PTPRM: variants seen among roughly 807,000 people sequenced by gnomAD.
The protein encoded by PTPRM is receptor-type tyrosine-protein phosphatase mu.
A neutral mutation model predicts 186.7 loss-of-function variants in PTPRM; 47 were observed. The ratio of observed to expected loss-of-function variants is 0.25; its 90% CI spans 0.20 to 0.32. The LOEUF (loss-of-function observed/expected upper bound fraction) is 0.32, where lower values mean the gene tolerates loss of function less well. PTPRM is among the 10% of genes least tolerant of loss of function. The pLI is 1.00. For missense variants in PTPRM, 1,494 were observed against 1,865.0 expected (o/e 0.80, Z 3.66); for synonymous variants, 668 against 674.9 (o/e 0.99, Z 0.16).
chr18:7,792,460 C>G (rs1254739975), intron 2 of PTPRM, among the ~76,000 whole-genome samples: 1 of 152,084 alleles, frequency 6.6e-6, no homozygotes, highest in Non-Finnish European at 1.5e-5. Context: ...TGCCTGTTTT[C>G]TCCTGTCTAT....
intron 19 of PTPRM, among the ~76,000 whole-genome samples, chr18:8,285,928 C>G (rs932576373): frequency 2.0e-5 from 3 of 152,110 alleles, no homozygotes; most frequent in African/African-American, 7.2e-5. Flanking sequence ...GGGTCAAGGG[C>G]TGCAGTGAGC....
chr18:7,909,640 G>T (rs373114226), intron 4 of PTPRM, among the ~76,000 whole-genome samples: 2 of 152,038 alleles, frequency 1.3e-5, no homozygotes, highest in South Asian at 4.1e-4. Flanking sequence ...AATCCTAAAG[G>T]AGCATTAATA....
At chr18:7,862,011 A>G (rs1332389597) in intron 2 of PTPRM, among the ~76,000 whole-genome samples, 4 of 151,848 alleles carry the variant, frequency 2.6e-5, no homozygotes, top group Admixed American at 6.6e-5. Flanking sequence ...GGGACGAGGA[A>G]TCACAGAAAG....
At chr18:8,401,844 A>G (rs760767713) in intron 32 of PTPRM, among the ~76,000 whole-genome samples, 2 of 152,246 alleles carry the variant, frequency 1.3e-5, no homozygotes, top group Non-Finnish European at 2.9e-5. Context: ...ACTCATAGGT[A>G]CAGGAAGTCT....
rs1209232448 is a variant in PTPRM, at chr18:7,568,430, G to C, written c.73+539G>C. Among the ~76,000 whole-genome samples the C allele has an allele frequency of 2.0e-5, 3 of 151,744 alleles. No homozygotes were observed. Among genetic ancestry groups the C allele is most frequent in the Admixed American group, 6.6e-5 (1 of 15,258 alleles). ...CTGCCCTCCCTGTCGCCCCCTGCCC[G>C]GCGCGGCTGGCGACCCCGGGAGGTC... On this transcript the variant is annotated intron_variant, in intron 1 of 32. Coordinates refer to ENST00000580170, the MANE Select transcript of PTPRM (RefSeq NM_001105244.2). This position sits in a 1 kb window ranked among gnomAD's most constrained non-coding sequence, Gnocchi z 5.1.
At chr18:8,144,288 G>A (rs190159936) in intron 14 of PTPRM, among the ~76,000 whole-genome samples, 27 of 152,274 alleles carry the variant, frequency 1.8e-4, no homozygotes, top group Admixed American at 7.8e-4. Context: ...AAAATGCAGC[G>A]CGGGAGCAGC....
At chr18:7,806,409 A>C (rs2044237626) in intron 2 of PTPRM, among the ~76,000 whole-genome samples, 1 of 152,218 alleles carries the variant, frequency 6.6e-6, no homozygotes, top group Non-Finnish European at 1.5e-5. Context: ...AACAAGATTA[A>C]TCAATTACAG....
At chr18:7,879,434 G>C (rs1158609952) in intron 2 of PTPRM, among the ~76,000 whole-genome samples, 1 of 152,104 alleles carries the variant, frequency 6.6e-6, no homozygotes, top group East Asian at 1.9e-4. Flanking sequence ...CAACTAAACT[G>C]TGAAGTTCTT....
chr18:8,080,118 A>G (rs528073636), intron 9 of PTPRM, among the ~76,000 whole-genome samples: 1 of 152,300 alleles, frequency 6.6e-6, no homozygotes, highest in Non-Finnish European at 1.5e-5. Context: ...TGATGTGGAG[A>G]AATGTGTACA....
intron 22 of PTPRM, among the ~76,000 whole-genome samples, chr18:8,341,682 G>GCCC (rs56361813): frequency 0.013 from 1,953 of 149,436 alleles, 25 homozygotes; most frequent in African/African-American, 0.028. Context: ...ACCTAGTGAA[G>GCCC]CCCCCCCCCC....
chr18:8,223,683 T>G lies in PTPRM; in HGVS notation c.2301-20375T>G, dbSNP rs954901122. Among the ~76,000 whole-genome samples, 7 of 152,148 alleles carry G rather than the reference T, an allele frequency of 4.6e-5. No homozygotes were observed. The South Asian group carries it at 1.5e-3, about 32-fold the overall frequency. Reference sequence around the variant, plus strand: ...CTTTGGGCTCAGTTTTGCTGTCCTCTCCCCACAGAAGTCTAAGCTGTTCAG... The same window carrying G: ...CTTTGGGCTCAGTTTTGCTGTCCTCGCCCCACAGAAGTCTAAGCTGTTCAG... On this transcript the variant is annotated intron_variant, in intron 14 of 32. Coordinates refer to ENST00000580170, the MANE Select transcript of PTPRM (RefSeq NM_001105244.2).
chr18:7,706,110 C>T (rs954588808), intron 1 of PTPRM, among the ~76,000 whole-genome samples: 1 of 150,828 alleles, frequency 6.6e-6, no homozygotes, highest in Admixed American at 6.6e-5. Context: ...CTTTTTGATT[C>T]TCTATTCTTA....
chr18:8,030,157 T>C (rs760193935), intron 7 of PTPRM, among the ~76,000 whole-genome samples: 17 of 152,214 alleles, frequency 1.1e-4, no homozygotes, highest in Non-Finnish European at 2.2e-4. Flanking sequence ...TACAATACAG[T>C]GTGGACATCA....
rs1342516400 is a variant in PTPRM, at chr18:8,151,437, C to T, written c.2300+7658C>T. 3.3e-5 allele frequency among the ~76,000 whole-genome samples: 5 copies of T among 151,802 alleles called. No individual in the cohort carries two copies. The South Asian group carries it at 6.3e-4, about 19-fold the overall frequency. ...TTTGTTTATACTATGAGGGGAAAAC[C>T]GCCTACTCAAGCCTCAGCAATGGCA... On this transcript the variant is annotated intron_variant, in intron 14 of 32. Transcript: ENST00000580170.
chr18:7,812,271 T>TA (rs1445475869), intron 2 of PTPRM, among the ~76,000 whole-genome samples: 1 of 152,176 alleles, frequency 6.6e-6, no homozygotes, highest in Non-Finnish European at 1.5e-5. Context: ...TCTGACATTT[T>TA]AAAAAACCGG....
intron 1 of PTPRM, among the ~76,000 whole-genome samples, chr18:7,647,720 G>C (rs1457232522): frequency 2.6e-5 from 4 of 152,176 alleles, no homozygotes; most frequent in African/African-American, 9.6e-5. Context: ...CTTGACTTCA[G>C]GGGTTGTTGA....
intron 14 of PTPRM, among the ~76,000 whole-genome samples, chr18:8,191,319 T>C (rs1568492687): frequency 2.0e-5 from 3 of 150,968 alleles, no homozygotes; most frequent in Middle Eastern, 3.4e-3. Flanking sequence ...CTGAGGGGCC[T>C]AGGGAGCACA....
At chr18:7,836,283 G>T (rs566976060) in intron 2 of PTPRM, among the ~76,000 whole-genome samples, 1 of 152,048 alleles carries the variant, frequency 6.6e-6, no homozygotes, top group South Asian at 2.1e-4. Flanking sequence ...ATTTAAAGTT[G>T]CCATCAGGGT....
At chr18:8,259,514 T>C (rs889497180) in intron 19 of PTPRM, among the ~76,000 whole-genome samples, 2 of 148,628 alleles carry the variant, frequency 1.3e-5, no homozygotes, top group African/African-American at 4.9e-5. Flanking sequence ...CCTTCCCCCG[T>C]TTTCTAAGTA....
Sources: gnomAD v4.1 joint callset for allele counts (sites outside exome capture counted in the v4.1 genomes callset) on GRCh38, gnomAD v4.1.1 for gene constraint, Gnocchi (gnomAD v3.1) non-coding constraint, MANE v1.5 for transcripts, NCBI Gene and HGNC (gene_info 2026-07-23, HGNC 2026-07-21) for gene names.